FAT3: variants seen among roughly 807,000 people sequenced by gnomAD.
FAT3 encodes protocadherin Fat 3.
In FAT3, 95 loss-of-function variants were observed where a neutral mutation model predicts 310.2. The observed-to-expected ratio is 0.31, with a 90% CI of 0.26 to 0.36. The LOEUF is 0.36. Ranked by LOEUF, FAT3 falls within the 10% of genes least tolerant of loss-of-function variation. The pLI is 1.00. For synonymous variants in FAT3, 2,314 were observed against 2,192.9 expected (o/e 1.06, Z -1.54); for missense variants, 5,408 against 5,715.6 (o/e 0.95, Z 1.74).
At chr11:92,328,758 C>T (rs1947830776) in intron 1 of FAT3, among the ~76,000 whole-genome samples, 1 of 152,120 alleles carries the variant, frequency 6.6e-6, no homozygotes, top group Non-Finnish European at 1.5e-5. Flanking sequence ...CATAAAACAT[C>T]GATTACCACC....
intron 1 of FAT3, among the ~76,000 whole-genome samples, chr11:92,347,302 T>G (rs1948445247): frequency 1.3e-5 from 2 of 152,304 alleles, no homozygotes; most frequent in South Asian, 2.1e-4. Context: ...CAAGGACTCC[T>G]GTCAAGGGGA....
chr11:92,377,489 C>T (rs1949378301), intron 2 of FAT3, among the ~76,000 whole-genome samples: 1 of 152,172 alleles, frequency 6.6e-6, no homozygotes, highest in African/African-American at 2.4e-5. Context: ...AGCTGATATT[C>T]CTACTATAAG....
chr11:92,492,229 C>CTA (rs1370745798), intron 2 of FAT3, among the ~76,000 whole-genome samples: 2 of 151,332 alleles, frequency 1.3e-5, no homozygotes, highest in East Asian at 2.0e-4. Flanking sequence ...TATTCATCAA[C>CTA]TATATATATA....
At position 92,254,576 on chromosome 11, in the gene FAT3, A is replaced by C. The variant is rs1865243276; in HGVS notation, c.-18+29402A>C. The stretch of plus-strand genomic sequence containing the variant: ...GGGAGACTTGGATAAATTCCAAACT[A>C]ATTTTTGATGTTAGGCTAGGAAGTA... On this transcript the variant is annotated intron_variant, in intron 1 of 27. Transcript: ENST00000525166. Among the ~76,000 whole-genome samples the C allele has an allele frequency of 2.0e-5, 3 of 152,108 alleles. No homozygotes were observed. The South Asian group carries it at 6.2e-4, about 32-fold the overall frequency.
chr11:92,768,747 G>C (rs547672562), intron 6 of FAT3, among the ~76,000 whole-genome samples: 1 of 152,120 alleles, frequency 6.6e-6, no homozygotes, highest in Non-Finnish European at 1.5e-5. Flanking sequence ...CACTAGGTAT[G>C]TAATATCAGC....
intron 2 of FAT3, among the ~76,000 whole-genome samples, chr11:92,398,802 T>C (rs1949946636): frequency 6.6e-6 from 1 of 152,218 alleles, no homozygotes; most frequent in African/African-American, 2.4e-5. Context: ...TTAGACATGT[T>C]TGTTGCTTTT....
In FAT3 at chr11:92,836,695, C is replaced by A. The variant is rs375559990; in HGVS notation, c.10216C>A (p.Arg3406=). 1.0e-4 allele frequency: 165 copies of A among 1,612,924 alleles called. No individual in the cohort carries two copies. The highest frequency in any genetic ancestry group is 1.3e-4 in the Non-Finnish European group (157 of 1,179,496). The change falls in exon 16 of 28, where the codon CGG becomes AGG. Residue 3406 remains arginine, a synonymous_variant. Transcript: ENST00000525166. ...GLVKVKKKLD[R]ERVSGYSLLV... ...TGTGAAAGTTAAGAAGAAATTGGAC[C>A]GGGAACGGGTAAGCTAGTTTAGGAC...
chr11:92,717,424 C>A (rs891956414), intron 4 of FAT3, among the ~76,000 whole-genome samples: 2 of 152,126 alleles, frequency 1.3e-5, no homozygotes, highest in African/African-American at 4.8e-5. Context: ...TGTATCCTCT[C>A]ACAGCTCTGT....
At chr11:92,471,673 C>G (rs922382527) in intron 2 of FAT3, among the ~76,000 whole-genome samples, 1 of 151,978 alleles carries the variant, frequency 6.6e-6, no homozygotes, top group Non-Finnish European at 1.5e-5. Flanking sequence ...TTACGCTAAT[C>G]AGTATCCAAG....
intron 3 of FAT3, among the ~76,000 whole-genome samples, chr11:92,662,624 A>G (rs892926987): frequency 1.3e-5 from 2 of 152,122 alleles, no homozygotes; most frequent in African/African-American, 4.8e-5. Context: ...AAGAAAACAC[A>G]TTTTCCCTCT....
intron 2 of FAT3, among the ~76,000 whole-genome samples, chr11:92,404,195 C>A (rs1346875904): frequency 1.3e-5 from 2 of 152,198 alleles, no homozygotes; most frequent in East Asian, 3.9e-4. Flanking sequence ...ATATGTCAGT[C>A]CCTACACTAC....
At chr11:92,315,512 T>TAGAGAGAGAGAGAGAG (rs374021850) in intron 1 of FAT3, among the ~76,000 whole-genome samples, 7 of 56,174 alleles carry the variant, frequency 1.2e-4, no homozygotes, top group East Asian at 6.4e-4. Context: ...TATATATATA[T>TAGAGAGAGAGAGAGAG]AGAGAGAGAG....
At chr11:92,769,834 G>T (rs1002450761) in intron 6 of FAT3, among the ~76,000 whole-genome samples, 4 of 152,136 alleles carry the variant, frequency 2.6e-5, no homozygotes, top group Admixed American at 6.5e-5. Context: ...TGGGCTCCAG[G>T]CTGCTGCTGT....
intron 3 of FAT3, among the ~76,000 whole-genome samples, chr11:92,652,706 G>A (rs1008362716): frequency 1.3e-5 from 2 of 152,182 alleles, no homozygotes; most frequent in African/African-American, 4.8e-5. Flanking sequence ...GGAAACGATA[G>A]CTGTTCTTTG....
At chr11:92,233,640 G>A (rs1864286234) in intron 1 of FAT3, among the ~76,000 whole-genome samples, 1 of 152,110 alleles carries the variant, frequency 6.6e-6, no homozygotes, top group African/African-American at 2.4e-5. Flanking sequence ...CTGCTTGGAA[G>A]TCCCTGGATT....
chr11:92,763,798 C>CA lies in FAT3; in HGVS notation c.3985-1073dup, dbSNP rs1046583936. On this transcript the variant is annotated intron_variant, in intron 5 of 27. Transcript: ENST00000525166. ...CTTTCTCCTGAGAGCACTTCCCCAC[C>CA]AAAAAAAACCATTTGTACTCAAATG... Among the ~76,000 whole-genome samples the CA allele has an allele frequency of 4.6e-5, 7 of 151,696 alleles. No individual in the cohort carries two copies. In the South Asian group the frequency reaches 6.3e-4, roughly 14 times the overall value.
intron 3 of FAT3, 31 bp from the exon 4 acceptor site, chr11:92,697,353 T>C (rs1475096507): frequency 1.2e-6 from 2 of 1,609,594 alleles, no homozygotes; most frequent in South Asian, 2.2e-5. Context: ...CCCCAGATAT[T>C]TAAAAGTCAA....
At chr11:92,412,720 T>TACACACAC (rs71064705) in intron 2 of FAT3, among the ~76,000 whole-genome samples, 1 of 18,686 alleles carries the variant, frequency 5.4e-5, no homozygotes, top group Non-Finnish European at 1.7e-4. Flanking sequence ...TATATATATA[T>TACACACAC]ATATATATAT....
intron 3 of FAT3, among the ~76,000 whole-genome samples, chr11:92,685,040 G>C (rs1376806437): frequency 1.3e-5 from 2 of 152,112 alleles, no homozygotes; most frequent in Non-Finnish European, 2.9e-5. Flanking sequence ...TGGGGTGCTT[G>C]GTGGACCTAC....
Sources: allele counts gnomAD v4.1 joint callset (sites outside exome capture counted in the v4.1 genomes callset), GRCh38; gene constraint gnomAD v4.1.1; transcripts MANE v1.5; gene names NCBI Gene and HGNC (gene_info 2026-07-23, HGNC 2026-07-21).